ABCA12: variants seen among roughly 807,000 people sequenced by gnomAD.
ABCA12 encodes glucosylceramide transporter ABCA12.
A neutral mutation model predicts 293.5 loss-of-function variants in ABCA12; 156 were observed. The ratio of observed to expected loss-of-function variants is 0.53; its 90% CI spans 0.47 to 0.61. The LOEUF (loss-of-function observed/expected upper bound fraction) is 0.61, where lower values mean the gene tolerates loss of function less well. ABCA12 is among the 20% of genes least tolerant of loss of function. The pLI is 0.00. For missense variants in ABCA12, 2,797 were observed against 3,090.2 expected (o/e 0.91, Z 2.25); for synonymous variants, 1,063 against 1,108.0 (o/e 0.96, Z 0.81).
chr2:215,073,267 C>A (rs564905711), intron 2 of ABCA12, among the ~76,000 whole-genome samples: 4 of 152,186 alleles, frequency 2.6e-5, no homozygotes, highest in African/African-American at 9.6e-5. Flanking sequence ...AAAAAATCTC[C>A]CTGCTATGGC....
At chr2:215,002,957 C>T (rs1700174310) in intron 20 of ABCA12, among the ~76,000 whole-genome samples, 1 of 152,180 alleles carries the variant, frequency 6.6e-6, no homozygotes, top group Non-Finnish European at 1.5e-5. Context: ...AAGAACTTTG[C>T]AGTTTAGCCC....
At chr2:215,134,334 ATATATATGTATATGTG>A (rs1389972121) in intron 1 of ABCA12, among the ~76,000 whole-genome samples, 84 of 144,142 alleles carry the variant, frequency 5.8e-4, no homozygotes, top group East Asian at 5.0e-3. Flanking sequence ...ATATATGTAC[ATATATATGTATATGTG>A]TATATATGTA....
chr2:215,134,298 A>T (rs1267483807), intron 1 of ABCA12, among the ~76,000 whole-genome samples: 1 of 147,706 alleles, frequency 6.8e-6, no homozygotes, highest in Admixed American at 6.8e-5. Context: ...GTATATGTAC[A>T]TATATACGTA....
At chr2:215,057,891 C>G (rs1486727881) in intron 3 of ABCA12, among the ~76,000 whole-genome samples, 4 of 151,968 alleles carry the variant, frequency 2.6e-5, no homozygotes. Flanking sequence ...CATCTTACAT[C>G]GTACCTACCA....
In ABCA12 at chr2:214,947,422, C is replaced by T. The variant is rs372585292; in HGVS notation, c.7239G>A (p.Leu2413=). 6.2e-7 allele frequency: 1 copy of T among 1,613,556 alleles called. No homozygotes were observed. Among genetic ancestry groups the T allele is most frequent in the Non-Finnish European group, 8.5e-7 (1 of 1,179,736 alleles). ...CCTGTTTAAATAATGATTCTCTTAC[C>T]AGCAGTAGAATGGAAGGTTTCCCTA... is the stretch of plus-strand genomic sequence containing the variant. ...ALIGKPSILL[L]DEPSSGMDPK... is the part of the protein sequence containing the mutation. Residue 2413 remains leucine (L), a splice_region_variant and synonymous_variant, in exon 48 of 53, where the codon CTG becomes CTA. Coordinates refer to ENST00000272895, the MANE Select transcript of ABCA12 (RefSeq NM_173076.3).
chr2:215,012,215 G>T, intron 15 of ABCA12, 80 bp from the exon 16 acceptor site: 3 of 1,323,900 alleles, frequency 2.3e-6, no homozygotes, highest in African/African-American at 1.5e-5. Flanking sequence ...TTGTAGAAAG[G>T]TACAGCCACT....
At chr2:215,041,829 C>T (rs1701107505) in intron 7 of ABCA12, among the ~76,000 whole-genome samples, 1 of 152,114 alleles carries the variant, frequency 6.6e-6, no homozygotes, top group Non-Finnish European at 1.5e-5. Context: ...ACTATTCAGA[C>T]TTAAAAAAGA....
chr2:215,077,687 A>G (rs1407135708), intron 2 of ABCA12, among the ~76,000 whole-genome samples: 2 of 152,182 alleles, frequency 1.3e-5, no homozygotes, highest in Non-Finnish European at 2.9e-5. Context: ...TTGTTGGCAA[A>G]CATGTGCCAT....
In ABCA12 at chr2:214,987,809, A is replaced by G. The variant is rs111990791; in HGVS notation, c.3830-16T>C. 23 of 1,612,136 alleles carry G rather than the reference A, an allele frequency of 1.4e-5. 1 individual carries two copies. Among genetic ancestry groups the G allele is most frequent in the African/African-American group, 1.1e-4 (8 of 75,010 alleles). On this transcript the variant is annotated splice_polypyrimidine_tract_variant and intron_variant, in intron 26 of 52. Transcript: ENST00000272895. Reference sequence around the variant, plus strand: ...CCGTATGTCCCTGGAATAAAAATATATCAGGAACAGTGAGTTTTAGTTGAC... The same window carrying G: ...CCGTATGTCCCTGGAATAAAAATATGTCAGGAACAGTGAGTTTTAGTTGAC...
rs866002831 is a variant in ABCA12 at position 214,949,381 on chromosome 2, C to T, written c.6853-232G>A. Among the ~76,000 whole-genome samples the T allele has an allele frequency of 1.2e-3, 177 of 143,964 alleles. 1 individual carries two copies. The highest frequency in any genetic ancestry group is 5.1e-3 in the South Asian group (22 of 4,334). 94.4% of individuals were successfully genotyped at this position (143,964 alleles called of 152,430 possible). A position where few individuals can be genotyped will look rare whatever the true frequency, so the allele number is the denominator to read the frequency against. On this transcript the variant is annotated intron_variant, in intron 45 of 52. Coordinates refer to ENST00000272895, the MANE Select transcript of ABCA12 (RefSeq NM_173076.3). ...GAATATATATATATATATATATACA[C>T]ACACACACACACACACACACACAGG... is the stretch of plus-strand genomic sequence containing the variant.
chr2:215,029,564 A>G (rs184055009), intron 9 of ABCA12, among the ~76,000 whole-genome samples: 2 of 152,236 alleles, frequency 1.3e-5, no homozygotes, highest in East Asian at 3.9e-4. Context: ...AGAGAGTTTC[A>G]TGGTGTATTG....
intron 51 of ABCA12, among the ~76,000 whole-genome samples, chr2:214,934,538 C>T (rs1271620187): frequency 6.6e-6 from 1 of 152,178 alleles, no homozygotes; most frequent in Non-Finnish European, 1.5e-5. Flanking sequence ...TTATGCTCAG[C>T]TCACATAAGC....
At chr2:215,115,767 G>A (rs1483210031) in intron 1 of ABCA12, among the ~76,000 whole-genome samples, 1 of 152,086 alleles carries the variant, frequency 6.6e-6, no homozygotes, top group Non-Finnish European at 1.5e-5. Context: ...CCAAAAGTCC[G>A]TAGGTAGGTC....
chr2:215,135,957 G>C (rs1004855925), intron 1 of ABCA12, among the ~76,000 whole-genome samples: 3 of 152,032 alleles, frequency 2.0e-5, no homozygotes, highest in African/African-American at 7.2e-5. Context: ...ACTCAGAATT[G>C]TCCTTCCTTT....
chr2:214,936,938 G>GAA (rs10656386), intron 51 of ABCA12, among the ~76,000 whole-genome samples: 45,913 of 147,600 alleles, frequency 0.31, 7,726 homozygotes, highest in South Asian at 0.43. Context: ...CCTTTGTGAG[G>GAA]AAAAAAAAAA....
intron 14 of ABCA12, among the ~76,000 whole-genome samples, chr2:215,017,461 G>A (rs892054926): frequency 7.9e-5 from 12 of 152,232 alleles, no homozygotes; most frequent in African/African-American, 2.9e-4. Flanking sequence ...TATATGCTAT[G>A]TCTTGCTGTA....
chr2:215,114,975 A>G lies in ABCA12; in HGVS notation c.70-3285T>C, dbSNP rs115030751. On this transcript the variant is annotated intron_variant, in intron 1 of 52. Transcript: ENST00000272895. ...ATATCCACATTCAGATAAGGGGCAT[A>G]TATTGTATGGTATGTATGGTTGCCT... Among the ~76,000 whole-genome samples, 994 of 152,300 alleles carry G rather than the reference A, an allele frequency of 6.5e-3. 12 individuals are homozygous for G. The highest frequency in any genetic ancestry group is 0.023 in the African/African-American group (946 of 41,552).
chr2:215,126,547 G>T (rs1008641557), intron 1 of ABCA12, among the ~76,000 whole-genome samples: 3 of 151,976 alleles, frequency 2.0e-5, no homozygotes, highest in African/African-American at 7.2e-5. Context: ...ATTTTTCCAG[G>T]AATTTCTCCA....
chr2:215,104,542 G>C (rs1288815523), intron 2 of ABCA12, among the ~76,000 whole-genome samples: 2 of 152,172 alleles, frequency 1.3e-5, no homozygotes, highest in Non-Finnish European at 2.9e-5. Flanking sequence ...CGGGACACTG[G>C]AGGAAACAGG....
Sources: allele counts gnomAD v4.1 joint callset (sites outside exome capture counted in the v4.1 genomes callset), GRCh38; gene constraint gnomAD v4.1.1; transcripts MANE v1.5; gene names NCBI Gene and HGNC (gene_info 2026-07-23, HGNC 2026-07-21).